Variants in TIAM2 observed in about 807,000 individuals in gnomAD.
TIAM2 encodes TIAM Rac1 associated GEF 2.
A neutral mutation model predicts 152.9 loss-of-function variants in TIAM2; 80 were observed. The observed-to-expected ratio is 0.52, with a 90% CI of 0.44 to 0.63. TIAM2 has a LOEUF of 0.63. TIAM2 is among the 30% of genes least tolerant of loss of function. The probability of loss-of-function intolerance (pLI) is 0.00; values close to 1 mark genes in which losing one functional copy is unlikely to be tolerated. For synonymous variants in TIAM2, 804 were observed against 838.0 expected (o/e 0.96, Z 0.70); for missense variants, 1,965 against 2,120.1 (o/e 0.93, Z 1.44).
At chr6:155,084,924 C>T (rs1320365102) in intron 1 of TIAM2, among the ~76,000 whole-genome samples, 1 of 152,120 alleles carries the variant, frequency 6.6e-6, no homozygotes, top group Non-Finnish European at 1.5e-5. Flanking sequence ...ATGATGTAGT[C>T]TTACCTAATG....
At chr6:155,043,080 A>G (rs1777084782) in intron 1 of TIAM2, among the ~76,000 whole-genome samples, 1 of 152,180 alleles carries the variant, frequency 6.6e-6, no homozygotes, top group Non-Finnish European at 1.5e-5. Context: ...GACCTCTGTG[A>G]TGCAGGTGAG....
At position 155,214,936 on chromosome 6, in the gene TIAM2, T is replaced by A. The variant is rs937575605; in HGVS notation, c.3168+3629T>A. Among the ~76,000 whole-genome samples the A allele has an allele frequency of 6.6e-6, 1 of 152,178 alleles. No individual in the cohort carries two copies. The highest frequency in any genetic ancestry group is 2.1e-4 in the South Asian group (1 of 4,834). On this transcript the variant is annotated intron_variant, in intron 15 of 26. Coordinates refer to ENST00000682666, the MANE Select transcript of TIAM2 (RefSeq NM_012454.4). This position sits in a 1 kb window ranked among gnomAD's most constrained non-coding sequence, Gnocchi z 5.4. ...AATTACAGGTGTGAGTCACTGTGCC[T>A]GGCCTGACTTAAAATTTTTTAGAAA...
At chr6:155,157,475 A>T (rs925244627) in intron 7 of TIAM2, among the ~76,000 whole-genome samples, 21 of 151,472 alleles carry the variant, frequency 1.4e-4, no homozygotes, top group African/African-American at 3.4e-4. Flanking sequence ...AGAATTAAAA[A>T]TTTTTTTAAA....
At chr6:155,210,273 T>C (rs1162941230) in intron 14 of TIAM2, among the ~76,000 whole-genome samples, 1 of 151,954 alleles carries the variant, frequency 6.6e-6, no homozygotes, top group Non-Finnish European at 1.5e-5. Context: ...ATTTTTATTA[T>C]TTTTATATTT....
At chr6:155,198,175 T>C (rs1229135797) in intron 14 of TIAM2, among the ~76,000 whole-genome samples, 1 of 152,224 alleles carries the variant, frequency 6.6e-6, no homozygotes, top group East Asian at 1.9e-4. Context: ...TTTGTCTGTA[T>C]GGCTGATATG....
intron 5 of TIAM2, among the ~76,000 whole-genome samples, chr6:155,141,736 C>A (rs748155606): frequency 6.6e-6 from 1 of 152,098 alleles, no homozygotes; most frequent in African/African-American, 2.4e-5. Context: ...TAGTCAGTGT[C>A]AGGGGAGGAG....
At chr6:155,076,922 C>G (rs967606501) in intron 1 of TIAM2, among the ~76,000 whole-genome samples, 3 of 152,216 alleles carry the variant, frequency 2.0e-5, no homozygotes, top group African/African-American at 7.2e-5. Context: ...TCTCGAACTC[C>G]TGACCTCGGA....
At position 155,164,571 on chromosome 6, in the gene TIAM2, A is replaced by G; in HGVS notation, c.2185A>G (p.Ile729Val). Residue 729 changes from isoleucine to valine, a missense_variant, in exon 8 of 27, where the codon ATC (isoleucine) becomes GTC (valine). This residue lies in a region of TIAM2 where 1,025 missense variants were observed against 1,119.4 expected (regional missense o/e 0.92). Coordinates refer to ENST00000682666, the MANE Select transcript of TIAM2 (RefSeq NM_012454.4). Reference protein sequence around the residue: ...PSKLALGRLGILSVSSFHALV... With the variant: ...PSKLALGRLGVLSVSSFHALV... ...CAAGCTGGCCCTCGGCAGGCTGGGC[A>G]TCTTGTCTGTTTCCTCTTTCCATGC... is the stretch of plus-strand genomic sequence containing the variant. 1 of 1,613,690 alleles carries G rather than the reference A, an allele frequency of 6.2e-7. No individual in the cohort carries two copies. The highest frequency in any genetic ancestry group is 8.5e-7 in the Non-Finnish European group (1 of 1,179,764).
rs537979511 is a variant in TIAM2 at position 155,017,704 on chromosome 6, C to T, written c.-209+22212C>T. ...ATTTTTTGTAGAAACGGGGTTTCACCGTGTTAGCCAGGATGGTCTCAATCT... is the reference window on the plus strand; with the variant it reads ...ATTTTTTGTAGAAACGGGGTTTCACTGTGTTAGCCAGGATGGTCTCAATCT... On this transcript the variant is annotated intron_variant, in intron 1 of 26. Coordinates refer to ENST00000682666, the MANE Select transcript of TIAM2 (RefSeq NM_012454.4). Among the ~76,000 whole-genome samples the T allele has an allele frequency of 2.3e-4, 35 of 152,076 alleles. 1 individual carries two copies. Among genetic ancestry groups the T allele is most frequent in the African/African-American group, 7.5e-4 (31 of 41,486 alleles).
chr6:155,021,825 T>C (rs1776499802), intron 1 of TIAM2, among the ~76,000 whole-genome samples: 1 of 152,182 alleles, frequency 6.6e-6, no homozygotes. Context: ...CCCTGTTGCA[T>C]GTGAGACGCA....
intron 1 of TIAM2, among the ~76,000 whole-genome samples, chr6:155,045,044 CT>C (rs1562299188): frequency 2.8e-5 from 4 of 140,694 alleles, no homozygotes; most frequent in African/African-American, 5.3e-5. Context: ...TTTTCTTTTT[CT>C]TTTTCTTTTT....
In TIAM2 at chr6:155,147,154, A is replaced by G. The variant is rs571238538; in HGVS notation, c.1804-956A>G. The stretch of plus-strand genomic sequence containing the variant: ...AATAGCATTATTTTGTTTCCCCCCA[A>G]TATACTTTTATTTACATTGTTCTTT... On this transcript the variant is annotated intron_variant, in intron 6 of 26. Coordinates refer to ENST00000682666, the MANE Select transcript of TIAM2 (RefSeq NM_012454.4). Among the ~76,000 whole-genome samples the G allele has an allele frequency of 3.5e-3, 515 of 146,322 alleles. 2 individuals are homozygous for G. The highest frequency in any genetic ancestry group is 0.012 in the African/African-American group (480 of 39,534).
chr6:155,146,899 G>A (rs1046529280), intron 6 of TIAM2, among the ~76,000 whole-genome samples: 4 of 151,694 alleles, frequency 2.6e-5, no homozygotes, highest in Non-Finnish European at 5.9e-5. Flanking sequence ...AGGATTATAG[G>A]CGTGAGCCAC....
In TIAM2 at chr6:155,218,022, A is replaced by C. The variant is rs982514757; in HGVS notation, c.3168+6715A>C. 6.6e-6 allele frequency among the ~76,000 whole-genome samples: 1 copy of C among 152,234 alleles called. No homozygotes were observed. On this transcript the variant is annotated intron_variant, in intron 15 of 26. Coordinates refer to ENST00000682666, the MANE Select transcript of TIAM2 (RefSeq NM_012454.4). The surrounding 1 kb of genome is among the most constrained non-coding windows in gnomAD (Gnocchi z 4.5). Reference sequence around the variant, plus strand: ...AAGGAAAAGAAAAAATTATTGGACCACATGATTTGCTTTCCAGCATTCTTG... The same window carrying C: ...AAGGAAAAGAAAAAATTATTGGACCCCATGATTTGCTTTCCAGCATTCTTG...
chr6:155,109,235 C>T (rs1228402953), intron 2 of TIAM2, among the ~76,000 whole-genome samples: 1 of 152,144 alleles, frequency 6.6e-6, no homozygotes. Flanking sequence ...CCGCCCGCCT[C>T]GGCCTCCCAA....
intron 1 of TIAM2, among the ~76,000 whole-genome samples, chr6:155,024,092 G>A (rs1776552319): frequency 6.6e-6 from 1 of 152,142 alleles, no homozygotes; most frequent in Admixed American, 6.6e-5. Flanking sequence ...AGGAATTAAG[G>A]AGCTGAGCTG....
intron 7 of TIAM2, among the ~76,000 whole-genome samples, chr6:155,160,588 A>G (rs9397230): frequency 0.47 from 70,877 of 151,864 alleles, 17,018 homozygotes; most frequent in East Asian, 0.55. Flanking sequence ...GCAACATAGT[A>G]AAACCCTGTC....
chr6:155,242,662 G>T (rs1262598239), intron 16 of TIAM2, among the ~76,000 whole-genome samples: 1 of 152,112 alleles, frequency 6.6e-6, no homozygotes, highest in Non-Finnish European at 1.5e-5. Flanking sequence ...TAGTATTTTA[G>T]GACTCAAAAT....
intron 1 of TIAM2, among the ~76,000 whole-genome samples, chr6:155,029,267 CACTATATGTACTATGTGTTATATAT>C (rs751830863): frequency 0.3 from 19,512 of 65,038 alleles, 609 homozygotes; most frequent in Middle Eastern, 0.39. Context: ...GTGTTATATA[CACTATATGTACTATGTGTTATATAT>C]ACTATATGTA....
Sources: gnomAD v4.1 joint callset for allele counts (sites outside exome capture counted in the v4.1 genomes callset) on GRCh38, gnomAD v4.1.1 for gene constraint, gnomAD v4.1.1 regional missense constraint, Gnocchi (gnomAD v3.1) non-coding constraint, MANE v1.5 for transcripts, NCBI Gene and HGNC (gene_info 2026-07-23, HGNC 2026-07-21) for gene names.